The following CAT variants were observed in gnomAD, a reference collection of about 807,000 sequenced individuals.
The protein encoded by CAT is catalase, also known as epididymis secretory sperm binding protein.
A neutral mutation model predicts 59.0 loss-of-function variants in CAT; 43 were observed. The observed-to-expected ratio is 0.73, with a 90% confidence interval of 0.57 to 0.94. The LOEUF is 0.94. Ranked by LOEUF, CAT falls within the 40% of genes least tolerant of loss-of-function variation. The pLI is 0.00. For synonymous variants in CAT, 218 were observed against 230.9 expected (o/e 0.94, Z 0.51); for missense variants, 664 against 682.9 (o/e 0.97, Z 0.31).
intron 11 of CAT, 66 bp from the exon 12 acceptor site, chr11:34,470,892 A>G: frequency 1.5e-6 from 2 of 1,315,542 alleles, no homozygotes; most frequent in Non-Finnish European, 2.2e-6. Context: ...GGGAAACCAC[A>G]GTCCCTGGGG....
intron 11 of CAT, among the ~76,000 whole-genome samples, chr11:34,469,159 C>T (rs1590310985): frequency 6.6e-6 from 1 of 152,180 alleles, no homozygotes; most frequent in Non-Finnish European, 1.5e-5. Context: ...TTTTGCAAAT[C>T]TAGAAATCCC....
intron 1 of CAT, among the ~76,000 whole-genome samples, chr11:34,448,713 A>C (rs2133180619): frequency 6.6e-6 from 1 of 152,216 alleles, no homozygotes; most frequent in South Asian, 2.1e-4. Context: ...ACATTTCTTG[A>C]GATGCACTAA....
intron 7 of CAT, 68 bp downstream of exon 7, chr11:34,456,270 T>G: frequency 8.3e-7 from 1 of 1,200,446 alleles, no homozygotes; most frequent in Non-Finnish European, 1.2e-6. Context: ...AAAAAAAATC[T>G]AGTCAAACAA....
intron 6 of CAT, among the ~76,000 whole-genome samples, chr11:34,454,924 T>C (rs907309017): frequency 6.6e-6 from 1 of 152,206 alleles, no homozygotes; most frequent in African/African-American, 2.4e-5. Context: ...ACTGTGAAGT[T>C]GGCATAATAT....
intron 8 of CAT, among the ~76,000 whole-genome samples, chr11:34,457,459 C>T (rs373636370): frequency 2.0e-5 from 3 of 151,954 alleles, no homozygotes; most frequent in South Asian, 2.1e-4. Flanking sequence ...TGCCTGCCTC[C>T]GCCTCCCAAA....
In CAT at chr11:34,461,384, A is replaced by G. The variant is rs959021901; in HGVS notation, c.1190A>G (p.Asn397Ser). The stretch of plus-strand genomic sequence containing the variant: ...GACGGCCCGATGTGCATGCAGGACA[A>G]TCAGGGTAGGCCTAAAGACGTTGGG... ...QRDGPMCMQDNQGGAPNYYPN... is the reference protein window; with the variant it reads ...QRDGPMCMQDSQGGAPNYYPN... Residue 397 changes from asparagine (N) to serine (S), a missense_variant, in exon 9 of 13, where the codon AAT becomes AGT. Coordinates refer to ENST00000241052, the MANE Select transcript of CAT (RefSeq NM_001752.4). 4 of 1,614,094 alleles carry G rather than the reference A, an allele frequency of 2.5e-6. No individual in the cohort carries two copies. The highest frequency in any genetic ancestry group is 3.4e-6 in the Non-Finnish European group (4 of 1,180,044).
intron 1 of CAT, 124 bp downstream of exon 1, chr11:34,439,203 G>C (rs1042167749): frequency 1.9e-5 from 17 of 918,226 alleles, no homozygotes; most frequent in Middle Eastern, 2.9e-4. Context: ...CACTGGGCAG[G>C]GGGGATCCCC....
chr11:34,453,174 C>A lies in CAT; in HGVS notation c.565C>A (p.Arg189Ser), dbSNP rs78209054. 2 of 1,609,050 alleles carry A rather than the reference C, an allele frequency of 1.2e-6. No homozygotes were observed. The highest frequency in any genetic ancestry group is 1.7e-5 in the Admixed American group (1 of 59,998). The change falls in exon 5 of 13, where the codon CGT (arginine) becomes AGT (serine). Residue 189 changes from arginine to serine, a missense_variant. Coordinates refer to ENST00000241052, the MANE Select transcript of CAT (RefSeq NM_001752.4). ...PDMVWDFWSL[R>S]PESLHQVSFL... is the part of the protein sequence containing the mutation. ...CATGGTCTGGGACTTCTGGAGCCTACGTCCTGAGTCTCTGCATCAGGTATG... is the reference window on the plus strand; with the variant it reads ...CATGGTCTGGGACTTCTGGAGCCTAAGTCCTGAGTCTCTGCATCAGGTATG...
chr11:34,453,204 C>CT lies in CAT; in HGVS notation c.585+16dup. ...TGAGTCTCTGCATCAGGTATGAACC[C>CT]TTTTTTGCCATTGTATTATATCACC... On this transcript the variant is annotated intron_variant, in intron 5 of 12. Coordinates refer to ENST00000241052, the MANE Select transcript of CAT (RefSeq NM_001752.4). 3 of 1,519,248 alleles carry CT rather than the reference C, an allele frequency of 2.0e-6. No homozygotes were observed. The highest frequency in any genetic ancestry group is 2.7e-6 in the Non-Finnish European group (3 of 1,093,556). 94.1% of individuals were successfully genotyped at this position (1,519,248 alleles called of 1,614,324 possible).
chr11:34,451,222 G>A (rs1856520756), intron 3 of CAT, 124 bp downstream of exon 3: 1 of 740,478 alleles, frequency 1.4e-6, no homozygotes, highest in Non-Finnish European at 2.5e-6. Context: ...TTATGTCAAG[G>A]TTTTACAGTA....
At chr11:34,470,691 G>A (rs1029244093) in intron 11 of CAT, 1 of 483,386 alleles carries the variant, frequency 2.1e-6, no homozygotes, top group Non-Finnish European at 3.8e-6. Flanking sequence ...TACTGATTAG[G>A]TGTCATTTTC....
rs1328848430 is a variant in CAT at position 34,453,802 on chromosome 11, T to C, written c.587T>C (p.Val196Ala). The change falls in exon 6 of 13, where the codon GTT becomes GCT. Residue 196 changes from valine to alanine, a missense_variant and splice_region_variant. Physicochemically the swap from Val to Ala is moderately conservative, Grantham distance 64. Coordinates refer to ENST00000241052, the MANE Select transcript of CAT (RefSeq NM_001752.4). ...WSLRPESLHQVSFLFSDRGIP... is the reference protein window; with the variant it reads ...WSLRPESLHQASFLFSDRGIP... ...AGGCTTTATATTTCTGTTCTTTAGG[T>C]TTCTTTCTTGTTCAGTGATCGGGGG... The C allele has an allele frequency of 6.2e-7, 1 of 1,613,000 alleles. No individual in the cohort carries two copies. Among genetic ancestry groups the C allele is most frequent in the Admixed American group, 1.7e-5 (1 of 60,012 alleles).
At position 34,468,322 on chromosome 11, in the gene CAT, A is replaced by G; in HGVS notation, c.1361A>G (p.Glu454Gly). Residue 454 changes from glutamate to glycine, a missense_variant, in exon 11 of 13, where the codon GAA (glutamate) becomes GGA (glycine). Transcript: ENST00000241052. ...TTCTATGTGAACGTGCTGAATGAGG[A>G]ACAGAGGAAACGTCTGTGTGAGAAC... ...RAFYVNVLNE[E>G]QRKRLCENIA... The G allele has an allele frequency of 1.9e-6, 3 of 1,614,032 alleles. No homozygotes were observed. Among genetic ancestry groups the G allele is most frequent in the Non-Finnish European group, 2.5e-6 (3 of 1,179,970 alleles).
At chr11:34,448,659 C>CT (rs948404235) in intron 1 of CAT, among the ~76,000 whole-genome samples, 187 of 147,176 alleles carry the variant, frequency 1.3e-3, no homozygotes, top group African/African-American at 4.1e-3. Context: ...AAGCCATTGA[C>CT]TTTTTTTTTT....
At position 34,471,774 on chromosome 11, in the gene CAT, T is replaced by G; in HGVS notation, c.*341T>G. On this transcript the variant is annotated 3_prime_UTR_variant, in exon 13 of 13. Transcript: ENST00000241052. ...TATGTTTACATATCACCTCATGGCC[T>G]ATTATATTAAAATATGGCTATAAAT... 1 of 284,034 alleles carries G rather than the reference T, an allele frequency of 3.5e-6. No homozygotes were observed. The highest frequency in any genetic ancestry group is 6.8e-6 in the Non-Finnish European group (1 of 146,106). 17.6% of individuals were successfully genotyped at this position (284,034 alleles called of 1,614,324 possible).
intron 3 of CAT, among the ~76,000 whole-genome samples, chr11:34,451,781 T>C (rs995954841): frequency 6.6e-6 from 1 of 152,244 alleles, no homozygotes; most frequent in Non-Finnish European, 1.5e-5. Context: ...TTTCTTCCCT[T>C]ATTTTAATTA....
Position 34,438,967 on chromosome 11 carries a change from C to G in CAT, c.-47C>G, listed in dbSNP as rs1233742749. 2.8e-5 allele frequency: 43 copies of G among 1,521,996 alleles called. No individual in the cohort carries two copies. Among genetic ancestry groups the G allele is most frequent in the Non-Finnish European group, 3.8e-5 (42 of 1,119,206 alleles). 94.3% of individuals were successfully genotyped at this position (1,521,996 alleles called of 1,614,324 possible). A position where few individuals can be genotyped will look rare whatever the true frequency, so the allele number is the denominator to read the frequency against. On this transcript the variant is annotated 5_prime_UTR_variant, in exon 1 of 13. Coordinates refer to ENST00000241052, the MANE Select transcript of CAT (RefSeq NM_001752.4). ...GATTTGCCTGCTGAGGGTGGAGACCCACGAGCCGAGGCCTCCTGCAGTGTT... is the reference window on the plus strand; with the variant it reads ...GATTTGCCTGCTGAGGGTGGAGACCGACGAGCCGAGGCCTCCTGCAGTGTT...
chr11:34,467,660 C>A (rs949900094), intron 10 of CAT, among the ~76,000 whole-genome samples: 1 of 152,162 alleles, frequency 6.6e-6, no homozygotes, highest in African/African-American at 2.4e-5. Context: ...CTTTTGATTT[C>A]AGAATGGGGC....
At position 34,456,006 on chromosome 11, in the gene CAT, T is replaced by G; in HGVS notation, c.712-5T>G. 6.2e-7 allele frequency: 1 copy of G among 1,613,622 alleles called. No individual in the cohort carries two copies. The highest frequency in any genetic ancestry group is 8.5e-7 in the Non-Finnish European group (1 of 1,179,726). On this transcript the variant is annotated splice_polypyrimidine_tract_variant and splice_region_variant and intron_variant, in intron 6 of 12. Transcript: ENST00000241052. ...CCATTGGAGCTTCTTTCTTTCATTT[T>G]GTAGACTGACCAGGGCATCAAAAAC...
Sources: gnomAD v4.1 joint callset for allele counts (sites outside exome capture counted in the v4.1 genomes callset) on GRCh38, gnomAD v4.1.1 for gene constraint, MANE v1.5 for transcripts, NCBI Gene and HGNC (gene_info 2026-07-23, HGNC 2026-07-21) for gene names.